The following SEMA6C variants were observed in gnomAD, a reference collection of about 807,000 sequenced individuals.
SEMA6C encodes the protein semaphorin 6C.
SEMA6C carries 37 observed loss-of-function variants against 72.9 expected under a neutral mutation model. The ratio of observed to expected loss-of-function variants is 0.51; its 90% CI spans 0.39 to 0.67. The LOEUF (loss-of-function observed/expected upper bound fraction) is 0.67. Ranked by LOEUF, SEMA6C falls within the 30% of genes least tolerant of loss-of-function variation. The pLI is 0.00. For synonymous variants in SEMA6C, 578 were observed against 554.1 expected, an observed-to-expected ratio of 1.04 and a Z score of -0.61; for missense variants, 1,189 against 1,263.6, an observed-to-expected ratio of 0.94 and a Z score of 0.89.
intron 3 of SEMA6C, among the ~76,000 whole-genome samples, chr1:151,140,733 G>A (rs587632336): frequency 3.3e-5 from 5 of 152,322 alleles, no homozygotes; most frequent in African/African-American, 7.2e-5. Context: ...GGTGGCTCAC[G>A]CCTGTAATCC....
Position 151,139,689 on chromosome 1 carries a change from G to C in SEMA6C, c.246C>G (p.Phe82Leu). ...CTTCTTCGGCTTGAAGATCGAAGGA[G>C]AAAACGTGATCCCTGAGGGGGTAGG... The part of the protein sequence containing the change: ...TLLVAARDHV[F>L]SFDLQAEEEG... Residue 82 changes from phenylalanine to leucine, a missense_variant, in exon 5 of 19, where the codon TTC becomes TTG. By Grantham distance (22) the Phe-to-Leu change is conservative (BLOSUM62 0). This residue lies in a region of SEMA6C where 468 missense variants were observed against 577.4 expected (regional missense o/e 0.81). Coordinates refer to ENST00000368914, the MANE Select transcript of SEMA6C (RefSeq NM_030913.6). 1 of 1,603,972 alleles carries C rather than the reference G, an allele frequency of 6.2e-7. No homozygotes were observed. The highest frequency in any genetic ancestry group is 2.2e-5 in the East Asian group (1 of 44,658).
In SEMA6C at chr1:151,132,868, G is replaced by C; in HGVS notation, c.2409C>G (p.Leu803=). ...GGGGCCTGGGGCTGGGGCCGCCCAA[G>C]AGGGCGGGGGCGGGCTCCGGCGGGA... is the stretch of plus-strand genomic sequence containing the variant. The part of the protein sequence containing the change: ...RALPPEPAPA[L]LGGPSPRPHE... The change falls in exon 19 of 19, where the codon CTC becomes CTG. Residue 803 remains leucine, a synonymous_variant. Coordinates refer to ENST00000368914, the MANE Select transcript of SEMA6C (RefSeq NM_030913.6). 7.8e-7 allele frequency: 1 copy of C among 1,280,292 alleles called. No individual in the cohort carries two copies. The highest frequency in any genetic ancestry group is 9.9e-7 in the Non-Finnish European group (1 of 1,013,458). 79.3% of individuals were successfully genotyped at this position (1,280,292 alleles called of 1,614,324 possible).
intron 2 of SEMA6C, 83 bp downstream of exon 2, chr1:151,144,299 TGAG>T (rs1282273843): frequency 3.3e-5 from 5 of 152,384 alleles, no homozygotes; most frequent in African/African-American, 4.8e-5. Flanking sequence ...CTCTGGCAAG[TGAG>T]GAGAAGAGCC....
rs746227531 is a variant in SEMA6C, at chr1:151,137,043, T to C, written c.788A>G (p.Lys263Arg). The C allele has an allele frequency of 1.2e-6, 2 of 1,613,766 alleles. No individual in the cohort carries two copies. Among genetic ancestry groups the C allele is most frequent in the Admixed American group, 1.7e-5 (1 of 60,010 alleles). Residue 263 changes from lysine (K) to arginine (R), a missense_variant, in exon 11 of 19, where the codon AAA (lysine) becomes AGA (arginine). Physicochemically the swap from Lys to Arg is conservative, Grantham distance 26 (BLOSUM62 2). Coordinates refer to ENST00000368914, the MANE Select transcript of SEMA6C (RefSeq NM_030913.6). Reference protein sequence around the residue: ...VQFSRVARVCKRDMGGSPRAL... With the variant: ...VQFSRVARVCRRDMGGSPRAL... ...CCGAGGCGAGCCGCCCATGTCACGT[T>C]TACATACTCGGGCTACGCGGGAGAA...
chr1:151,136,490 C>A lies in SEMA6C; in HGVS notation c.1064G>T (p.Gly355Val). The change falls in exon 12 of 19, where the codon GGG becomes GTG. Residue 355 changes from glycine to valine, a missense_variant. Physicochemically the swap from Gly to Val is moderately radical, Grantham distance 109. Transcript: ENST00000368914. ...GTCCTCAGACACAGGAGTCCAGGCC[C>A]CATCCAGACTCCTCTGCTCCTTGAA... ...GKFKEQRSLDGAWTPVSEDRV... is the reference protein window; with the variant it reads ...GKFKEQRSLDVAWTPVSEDRV... 1 of 1,614,134 alleles carries A rather than the reference C, an allele frequency of 6.2e-7. No individual in the cohort carries two copies. Among genetic ancestry groups the A allele is most frequent in the South Asian group, 1.1e-5 (1 of 91,078 alleles).
intron 14 of SEMA6C, 89 bp from the exon 15 acceptor site, chr1:151,135,398 C>G: frequency 1.3e-6 from 2 of 1,534,160 alleles, no homozygotes; most frequent in Middle Eastern, 1.8e-4. Flanking sequence ...GGGAGGCACA[C>G]AAGCAACTGA....
chr1:151,136,851 A>G lies in SEMA6C; in HGVS notation c.974+6T>C. On this transcript the variant is annotated splice_donor_region_variant and intron_variant, in intron 11 of 18. Transcript: ENST00000368914. ...ATTGGGTCACACTAGTCAGCCTAGT[A>G]CCAACCTATTGGTCTGGGTGGTGAA... 8 of 1,612,778 alleles carry G rather than the reference A, an allele frequency of 5.0e-6. No individual in the cohort carries two copies. Among genetic ancestry groups the G allele is most frequent in the Non-Finnish European group, 6.8e-6 (8 of 1,179,206 alleles).
intron 3 of SEMA6C, among the ~76,000 whole-genome samples, chr1:151,141,765 G>T (rs1343670861): frequency 6.7e-6 from 1 of 148,480 alleles, no homozygotes; most frequent in Admixed American, 6.7e-5. Flanking sequence ...TGGGATGGGG[G>T]TTGGGGGGTG....
chr1:151,134,694 G>A lies in SEMA6C; in HGVS notation c.1659-19C>T. 6.2e-7 allele frequency: 1 copy of A among 1,613,724 alleles called. No individual in the cohort carries two copies. On this transcript the variant is annotated intron_variant, in intron 16 of 18. Coordinates refer to ENST00000368914, the MANE Select transcript of SEMA6C (RefSeq NM_030913.6). ...ATCAGTCCTAGGAGGAAAACGAAGTGGCTATAGAATTCTGTACGTTGTCCG... is the reference window on the plus strand; with the variant it reads ...ATCAGTCCTAGGAGGAAAACGAAGTAGCTATAGAATTCTGTACGTTGTCCG...
At position 151,136,599 on chromosome 1, in the gene SEMA6C, T is replaced by C; in HGVS notation, c.975-20A>G. The C allele has an allele frequency of 6.2e-7, 1 of 1,613,648 alleles. No individual in the cohort carries two copies. ...GGGATGCTGGAGGAGCCAGAAAAGATGCAGGATAGGTGCTGAAAGGAACTG... is the reference window on the plus strand; with the variant it reads ...GGGATGCTGGAGGAGCCAGAAAAGACGCAGGATAGGTGCTGAAAGGAACTG... On this transcript the variant is annotated intron_variant, in intron 11 of 18. Coordinates refer to ENST00000368914, the MANE Select transcript of SEMA6C (RefSeq NM_030913.6).
Position 151,136,557 on chromosome 1 carries a change from C to T in SEMA6C, c.997G>A (p.Ala333Thr), listed in dbSNP as rs1021381604. 13 of 1,613,962 alleles carry T rather than the reference C, an allele frequency of 8.1e-6. No individual in the cohort carries two copies. The highest frequency in any genetic ancestry group is 4.5e-5 in the East Asian group (2 of 44,888). ...TNSIPGSAVC[A>T]FYLDEIERGF... ...CGCTCAATCTCATCCAGGTAGAAGG[C>T]GCAGACGGCAGAGCCAGGGATGCTG... Residue 333 changes from alanine to threonine, a missense_variant, in exon 12 of 19, where the codon GCC becomes ACC. Transcript: ENST00000368914.
Position 151,139,349 on chromosome 1 carries a change from G to A in SEMA6C, c.354+76C>T, listed in dbSNP as rs938000203. ...AAAAGTGTGAAGGAAATTGGGCATA[G>A]TAGAGGACCAGTTGGACAGAGACTG... is the stretch of plus-strand genomic sequence containing the variant. On this transcript the variant is annotated intron_variant, in intron 6 of 18. Coordinates refer to ENST00000368914, the MANE Select transcript of SEMA6C (RefSeq NM_030913.6). 10 of 1,246,958 alleles carry A rather than the reference G, an allele frequency of 8.0e-6. No individual in the cohort carries two copies. In the African/African-American group the frequency reaches 1.5e-4, roughly 18 times the overall value. The allele number at this position is 1,246,958 out of a possible 1,614,324, so 77.2% of individuals were successfully genotyped here.
chr1:151,142,442 A>G, intron 3 of SEMA6C, 62 bp downstream of exon 3: 1 of 1,603,150 alleles, frequency 6.2e-7, no homozygotes, highest in Non-Finnish European at 8.5e-7. Flanking sequence ...TGCCTCCCAC[A>G]CAGGGGGTCT....
intron 10 of SEMA6C, among the ~76,000 whole-genome samples, chr1:151,137,487 G>A (rs1214954622): frequency 1.3e-5 from 2 of 151,884 alleles, no homozygotes; most frequent in African/African-American, 4.8e-5. Flanking sequence ...CAATGTGAGG[G>A]GCACAGTGAA....
chr1:151,135,338 T>C (rs755981893), intron 14 of SEMA6C, 29 bp from the exon 15 acceptor site: 21 of 1,598,086 alleles, frequency 1.3e-5, no homozygotes, highest in South Asian at 2.3e-5. Flanking sequence ...GAACCAGAGA[T>C]GGACAGATGA....
In SEMA6C at chr1:151,142,622, C is replaced by G; in HGVS notation, c.-1G>C. 1.3e-6 allele frequency: 2 copies of G among 1,572,310 alleles called. No homozygotes were observed. The highest frequency in any genetic ancestry group is 1.7e-6 in the Non-Finnish European group (2 of 1,160,476). On this transcript the variant is annotated 5_prime_UTR_variant, in exon 3 of 19. Coordinates refer to ENST00000368914, the MANE Select transcript of SEMA6C (RefSeq NM_030913.6). ...GCATGAAGTGGGGGGCACGGGGCAT[C>G]CTGTGCGGGGCAGCTCAGGCCCCAG...
At position 151,140,054 on chromosome 1, in the gene SEMA6C, T is replaced by C; in HGVS notation, c.155A>G (p.Asp52Gly). 2 of 1,614,072 alleles carry C rather than the reference T, an allele frequency of 1.2e-6. No homozygotes were observed. Among genetic ancestry groups the C allele is most frequent in the South Asian group, 1.1e-5 (1 of 91,076 alleles). The change falls in exon 4 of 19, where the codon GAT becomes GGT. Residue 52 changes from aspartate to glycine, a missense_variant. Around this residue, in one of 2 missense-constraint regions of SEMA6C, gnomAD observed 468 missense variants for 577.4 expected, o/e 0.81. Transcript: ENST00000368914. Reference protein sequence around the residue: ...SPLSWFRGLEDDAVAAELGLD... With the variant: ...SPLSWFRGLEGDAVAAELGLD... ...CCCAAGTTCTGCAGCCACAGCATCATCCTCCAGGCCCCGAAACCAGGATAA... is the reference window on the plus strand; with the variant it reads ...CCCAAGTTCTGCAGCCACAGCATCACCCTCCAGGCCCCGAAACCAGGATAA...
chr1:151,143,206 A>T (rs1327832593), intron 2 of SEMA6C, among the ~76,000 whole-genome samples: 1 of 152,154 alleles, frequency 6.6e-6, no homozygotes, highest in Non-Finnish European at 1.5e-5. Flanking sequence ...GTTGAGGAAG[A>T]CACAGTTGGG....
rs1336244171 is a variant in SEMA6C at position 151,145,031 on chromosome 1, A to C, written c.-104-597T>G. 1 of 152,194 alleles carries C rather than the reference A, an allele frequency of 6.6e-6. No individual in the cohort carries two copies. Among genetic ancestry groups the C allele is most frequent in the African/African-American group, 2.4e-5 (1 of 41,412 alleles). The allele number at this position is 152,194 out of a possible 1,614,324, so 9.4% of individuals were successfully genotyped here. A position where few individuals can be genotyped will look rare whatever the true frequency, so the allele number is the denominator to read the frequency against. ...GACTCAACTATGATACACCTTTAAG[A>C]GGGCTTCTTGTAGCTGTTTCTGGGA... On this transcript the variant is annotated intron_variant, in intron 1 of 18. Coordinates refer to ENST00000368914, the MANE Select transcript of SEMA6C (RefSeq NM_030913.6). The surrounding 1 kb of genome is among the most constrained non-coding windows in gnomAD (Gnocchi z 4.4).
Sources: gnomAD v4.1 joint callset for allele counts (sites outside exome capture counted in the v4.1 genomes callset) on GRCh38, gnomAD v4.1.1 for gene constraint, gnomAD v4.1.1 regional missense constraint, Gnocchi (gnomAD v3.1) non-coding constraint, MANE v1.5 for transcripts, NCBI Gene and HGNC (gene_info 2026-07-23, HGNC 2026-07-21) for gene names.